CLEC16A: variants seen among roughly 807,000 people sequenced by gnomAD.
CLEC16A encodes protein CLEC16A.
CLEC16A carries 51 observed loss-of-function variants against 109.5 expected under a neutral mutation model. The observed-to-expected ratio is 0.47, with a 90% CI of 0.37 to 0.59. The LOEUF is 0.59. Ranked by LOEUF, CLEC16A falls within the 20% of genes least tolerant of loss-of-function variation. The pLI is 0.00. For missense variants in CLEC16A, 1,339 were observed against 1,394.0 expected, an observed-to-expected ratio of 0.96 and a Z score of 0.63; for synonymous variants, 673 against 564.2, an observed-to-expected ratio of 1.19 and a Z score of -2.73.
At chr16:10,995,027 G>T (rs2044247642) in intron 10 of CLEC16A, among the ~76,000 whole-genome samples, 1 of 152,164 alleles carries the variant, frequency 6.6e-6, no homozygotes, top group Non-Finnish European at 1.5e-5. Context: ...GTGACCTTGG[G>T]CAAGATCCTC....
At chr16:11,042,200 GT>G in intron 14 of CLEC16A, 53 bp from the exon 15 acceptor site, 1 of 1,416,798 alleles carries the variant, frequency 7.1e-7, no homozygotes. Flanking sequence ...GCAGTCTTGG[GT>G]TTAAGGGCGC....
At chr16:10,980,551 G>A (rs1163711507) in intron 9 of CLEC16A, among the ~76,000 whole-genome samples, 3 of 152,082 alleles carry the variant, frequency 2.0e-5, no homozygotes, top group African/African-American at 7.2e-5. Flanking sequence ...CTCCTCCAGA[G>A]AGCATGGCCG....
At chr16:11,074,308 C>T (rs1265486520) in intron 19 of CLEC16A, among the ~76,000 whole-genome samples, 1 of 152,218 alleles carries the variant, frequency 6.6e-6, no homozygotes, top group African/African-American at 2.4e-5. Context: ...ATGAATTAAA[C>T]TTCTTCCCTG....
intron 19 of CLEC16A, among the ~76,000 whole-genome samples, chr16:11,079,221 C>T: frequency 6.6e-6 from 1 of 152,234 alleles, no homozygotes; most frequent in East Asian, 1.9e-4. Context: ...CCATCCCTAT[C>T]TCTTGTGGTT....
At chr16:11,032,866 TTGCCATTTTTTC>T (rs2046822766) in intron 13 of CLEC16A, among the ~76,000 whole-genome samples, 2 of 152,048 alleles carry the variant, frequency 1.3e-5, no homozygotes, top group Admixed American at 6.5e-5. Flanking sequence ...TGAAGAGGAA[TTGCCATTTTTTC>T]TCCAAGTGCA....
intron 10 of CLEC16A, among the ~76,000 whole-genome samples, chr16:10,995,737 G>T (rs189024876): frequency 1.3e-5 from 2 of 152,144 alleles, no homozygotes; most frequent in African/African-American, 4.8e-5. Context: ...GGTCAGGGTC[G>T]CTTGGCTAGT....
intron 19 of CLEC16A, among the ~76,000 whole-genome samples, chr16:11,115,968 C>T (rs1209705370): frequency 6.6e-6 from 1 of 151,648 alleles, no homozygotes; most frequent in African/African-American, 2.4e-5. Flanking sequence ...ACCTTGGCCT[C>T]CCATAGTGCT....
At chr16:11,118,039 C>T (rs555807265) in intron 19 of CLEC16A, among the ~76,000 whole-genome samples, 1 of 152,114 alleles carries the variant, frequency 6.6e-6, no homozygotes, top group South Asian at 2.1e-4. Flanking sequence ...CAGTGGTACA[C>T]TCATGGCTCA....
At position 10,979,445 on chromosome 16, in the gene CLEC16A, TG is replaced by T; in HGVS notation, c.957+64del. On this transcript the variant is annotated intron_variant, in intron 9 of 23. Coordinates refer to ENST00000409790, the MANE Select transcript of CLEC16A (RefSeq NM_015226.3). ...GGGGTCCCTTGGCGTGCCACTGCCT[TG>T]AAGAAAATCCCCAGGCCTTATCACC... 3.4e-6 allele frequency: 5 copies of T among 1,457,514 alleles called. No homozygotes were observed. The South Asian group carries it at 6.0e-5, about 17-fold the overall frequency. The allele number at this position is 1,457,514 out of a possible 1,614,324, so 90.3% of individuals were successfully genotyped here.
rs947601683 is a variant in CLEC16A, at chr16:11,100,525, G to A, written c.2117-20090G>A. Among the ~76,000 whole-genome samples the A allele has an allele frequency of 2.6e-5, 4 of 152,304 alleles. 1 individual carries two copies. Among genetic ancestry groups the A allele is most frequent in the Middle Eastern group, 6.8e-3 (2 of 294 alleles). Reference sequence around the variant, plus strand: ...CCCAGAGAATCTTTTTACAAGATTGGGGTTTGGTTTCAAGCACATGGAGGG... The same window carrying A: ...CCCAGAGAATCTTTTTACAAGATTGAGGTTTGGTTTCAAGCACATGGAGGG... On this transcript the variant is annotated intron_variant, in intron 19 of 23. Transcript: ENST00000409790.
intron 12 of CLEC16A, among the ~76,000 whole-genome samples, chr16:11,021,891 T>G (rs576476300): frequency 6.6e-6 from 1 of 152,178 alleles, no homozygotes; most frequent in Non-Finnish European, 1.5e-5. Context: ...CTTTTCGTAG[T>G]ATGGTAATAC....
intron 19 of CLEC16A, among the ~76,000 whole-genome samples, chr16:11,104,558 C>T (rs1472953189): frequency 6.6e-6 from 1 of 152,188 alleles, no homozygotes; most frequent in East Asian, 1.9e-4. Context: ...GATGAGGTGC[C>T]TTACAGAGGA....
intron 19 of CLEC16A, among the ~76,000 whole-genome samples, chr16:11,094,494 G>C (rs2050491831): frequency 2.0e-5 from 3 of 152,222 alleles, no homozygotes; most frequent in South Asian, 4.1e-4. Flanking sequence ...GGGCAGCTGA[G>C]AGCCACACAA....
intron 10 of CLEC16A, among the ~76,000 whole-genome samples, chr16:10,995,706 A>T (rs569720074): frequency 2.0e-5 from 3 of 152,254 alleles, no homozygotes; most frequent in Non-Finnish European, 2.9e-5. Flanking sequence ...TGTTTTACAG[A>T]TGAGGAACTG....
At chr16:10,982,740 C>A in intron 9 of CLEC16A, 138 bp from the exon 10 acceptor site, 1 of 589,230 alleles carries the variant, frequency 1.7e-6, no homozygotes, top group Non-Finnish European at 3.1e-6. Context: ...GTGGCTCATT[C>A]TTTGAATTTT....
chr16:11,134,347 C>T (rs537579685), intron 22 of CLEC16A, among the ~76,000 whole-genome samples: 4 of 152,194 alleles, frequency 2.6e-5, no homozygotes, highest in African/African-American at 9.6e-5. Flanking sequence ...GAAGAATTAA[C>T]CATGTTGGGC....
chr16:10,965,871 G>A (rs1188379530), intron 3 of CLEC16A, among the ~76,000 whole-genome samples: 2 of 152,204 alleles, frequency 1.3e-5, no homozygotes, highest in Non-Finnish European at 2.9e-5. Flanking sequence ...CTGGGGAGTG[G>A]AGGGAGCCTG....
At chr16:11,038,748 A>G (rs1371855667) in intron 13 of CLEC16A, among the ~76,000 whole-genome samples, 1 of 152,128 alleles carries the variant, frequency 6.6e-6, no homozygotes, top group Admixed American at 6.5e-5. Context: ...GTGTCATTGT[A>G]TTAGGTTGGC....
intron 22 of CLEC16A, among the ~76,000 whole-genome samples, chr16:11,149,126 G>T (rs1430327575): frequency 6.6e-6 from 1 of 152,196 alleles, no homozygotes; most frequent in Non-Finnish European, 1.5e-5. Flanking sequence ...CAGGGGAGGG[G>T]CCAGGCTTCA....
Sources: gnomAD v4.1 joint callset for allele counts (sites outside exome capture counted in the v4.1 genomes callset) on GRCh38, gnomAD v4.1.1 for gene constraint, MANE v1.5 for transcripts, NCBI Gene and HGNC (gene_info 2026-07-23, HGNC 2026-07-21) for gene names.